Variants in QTMAN observed in about 807,000 individuals in gnomAD.
QTMAN encodes tRNA-queuosine alpha-mannosyltransferase.
At chr2:144,143,548 C>A in the QTMAN span, among the ~76,000 whole-genome samples, 1 of 151,922 alleles carries the variant, frequency 6.6e-6, no homozygotes, top group Non-Finnish European at 1.5e-5. Flanking sequence ...ATTTTCTATA[C>A]AAGTATTGTT....
chr2:144,092,096 G>A, the QTMAN span, among the ~76,000 whole-genome samples: 1 of 152,078 alleles, frequency 6.6e-6, no homozygotes, highest in African/African-American at 2.4e-5. Flanking sequence ...AGCTTTTAGA[G>A]TGATGGATAT....
chr2:144,318,064 T>A, the QTMAN span, among the ~76,000 whole-genome samples: 1 of 152,176 alleles, frequency 6.6e-6, no homozygotes, highest in Non-Finnish European at 1.5e-5. Context: ...TTTCCCCTTA[T>A]TGAAGGCCTC....
the QTMAN span, among the ~76,000 whole-genome samples, chr2:144,054,422 T>C: frequency 6.6e-6 from 1 of 152,184 alleles, no homozygotes; most frequent in Non-Finnish European, 1.5e-5. Context: ...TTAGCCCAGC[T>C]TCTCATTTGT....
chr2:144,144,041 G>A, the QTMAN span, among the ~76,000 whole-genome samples: 1 of 151,924 alleles, frequency 6.6e-6, no homozygotes, highest in South Asian at 2.1e-4. Flanking sequence ...GAAGCCAACT[G>A]ATGATGAAGT....
At chr2:144,089,718 A>C in the QTMAN span, among the ~76,000 whole-genome samples, 1 of 152,020 alleles carries the variant, frequency 6.6e-6, no homozygotes, top group African/African-American at 2.4e-5. Flanking sequence ...GGGAAGTAAA[A>C]AGTTTGATCA....
chr2:144,059,606 A>C, the QTMAN span, among the ~76,000 whole-genome samples: 1 of 152,158 alleles, frequency 6.6e-6, no homozygotes, highest in Non-Finnish European at 1.5e-5. Context: ...CCTTCTACCT[A>C]GTCTACGAAT....
the QTMAN span, among the ~76,000 whole-genome samples, chr2:144,279,880 G>C: frequency 4.8e-4 from 73 of 152,218 alleles, no homozygotes; most frequent in Non-Finnish European, 7.9e-4. Context: ...CCCTCAATGA[G>C]TCAAGTAGAC....
At chr2:144,032,997 T>A in the QTMAN span, among the ~76,000 whole-genome samples, 3 of 152,182 alleles carry the variant, frequency 2.0e-5, no homozygotes, top group Non-Finnish European at 4.4e-5. Context: ...AGAAGGTAAC[T>A]ATTATCCCAT....
At chr2:144,075,662 T>C in the QTMAN span, among the ~76,000 whole-genome samples, 1 of 152,238 alleles carries the variant, frequency 6.6e-6, no homozygotes. Flanking sequence ...TTTTCACCTT[T>C]TATTCAATTC....
chr2:144,272,724 T>TATGTGTGTGTGTGC, the QTMAN span, among the ~76,000 whole-genome samples: 1 of 152,112 alleles, frequency 6.6e-6, no homozygotes, highest in African/African-American at 2.4e-5. Context: ...TGTGTGTGTG[T>TATGTGTGTGTGTGC]ATGTGTGTGT....
the QTMAN span, chr2:144,006,439 T>G: frequency 1.1e-4 from 17 of 152,052 alleles, no homozygotes; most frequent in Non-Finnish European, 2.2e-4. Context: ...GACCATAATC[T>G]GTGGGGGAAG....
At chr2:144,012,990 A>G in the QTMAN span, among the ~76,000 whole-genome samples, 1 of 152,072 alleles carries the variant, frequency 6.6e-6, no homozygotes, top group South Asian at 2.1e-4. Context: ...GAGGAGTAGT[A>G]GAGCCACAGC....
At chr2:144,242,958 C>CT in the QTMAN span, among the ~76,000 whole-genome samples, 3 of 84,338 alleles carry the variant, frequency 3.6e-5, no homozygotes, top group Admixed American at 1.4e-4. Context: ...CAAGACTCTA[C>CT]TTAAAAAAAA....
At chr2:144,132,631 G>A in the QTMAN span, among the ~76,000 whole-genome samples, 2 of 151,950 alleles carry the variant, frequency 1.3e-5, no homozygotes, top group Non-Finnish European at 2.9e-5. Context: ...CCGTCATATG[G>A]GTTGGTAGAA....
the QTMAN span, among the ~76,000 whole-genome samples, chr2:144,263,186 T>C: frequency 2.6e-5 from 4 of 151,756 alleles, no homozygotes; most frequent in African/African-American, 7.3e-5. Context: ...TTTTTTTTTT[T>C]CACTCAAATT....
the QTMAN span, among the ~76,000 whole-genome samples, chr2:144,098,030 A>C: frequency 6.6e-6 from 1 of 152,240 alleles, no homozygotes; most frequent in South Asian, 2.1e-4. Flanking sequence ...AAGAAGCTGC[A>C]GCACTCACAA....
chr2:144,258,325 T>G, the QTMAN span, among the ~76,000 whole-genome samples: 2 of 151,544 alleles, frequency 1.3e-5, no homozygotes, highest in Admixed American at 1.3e-4. Flanking sequence ...AAGGAAATAC[T>G]AACAAAAGAA....
At chr2:143,950,796 A>T in the QTMAN span, 1 of 151,858 alleles carries the variant, frequency 6.6e-6, no homozygotes, top group East Asian at 1.9e-4. Flanking sequence ...ATCTTGAACG[A>T]CTGTTTTCTC....
the QTMAN span, chr2:144,141,953 C>G: frequency 6.2e-7 from 1 of 1,611,312 alleles, no homozygotes; most frequent in Non-Finnish European, 8.5e-7. Context: ...TTTCCAGATC[C>G]TTGGGTCTGT....
Sources: gnomAD v4.1 joint callset for allele counts (sites outside exome capture counted in the v4.1 genomes callset) on GRCh38, gnomAD v4.1.1 for gene constraint, MANE v1.5 for transcripts, NCBI Gene and HGNC (gene_info 2026-07-23, HGNC 2026-07-21) for gene names.